Variants in KL observed in about 807,000 individuals in gnomAD.
KL encodes klotho.
In KL, 62 loss-of-function variants were observed where a neutral mutation model predicts 84.2. That is an observed-to-expected ratio of 0.74 (90% CI 0.60 to 0.91). KL has a LOEUF of 0.91. Among genes scored for constraint, KL ranks in the 40% least tolerant of loss-of-function variants. The pLI is 0.00. For synonymous variants in KL, 528 were observed against 528.0 expected, an observed-to-expected ratio of 1.00 and a Z score of 0.00; for missense variants, 1,261 against 1,305.7, an observed-to-expected ratio of 0.97 and a Z score of 0.53.
Position 33,061,665 on chromosome 13 carries a change from G to C in KL, c.2586G>C (p.Lys862Asn). The C allele has an allele frequency of 6.2e-7, 1 of 1,614,178 alleles. No individual in the cohort carries two copies. The highest frequency in any genetic ancestry group is 1.1e-5 in the South Asian group (1 of 91,068). ...LRKVLNWLKFKYGDLPMYIIS... is the reference protein window; with the variant it reads ...LRKVLNWLKFNYGDLPMYIIS... ...AAGTGCTGAACTGGCTGAAGTTCAA[G>C]TACGGAGACCTCCCCATGTACATAA... The change falls in exon 4 of 5, where the codon AAG becomes AAC. Residue 862 changes from lysine (K) to asparagine (N), a missense_variant. Coordinates refer to ENST00000380099, the MANE Select transcript of KL (RefSeq NM_004795.4).
chr13:33,055,975 A>T (rs771401778), intron 3 of KL, among the ~76,000 whole-genome samples: 3 of 152,202 alleles, frequency 2.0e-5, no homozygotes, highest in Non-Finnish European at 4.4e-5. Flanking sequence ...TCTAGTAAGC[A>T]CTTATTGGAT....
At chr13:33,035,287 C>A (rs959028987) in intron 1 of KL, among the ~76,000 whole-genome samples, 4 of 152,122 alleles carry the variant, frequency 2.6e-5, no homozygotes, top group African/African-American at 7.2e-5. Flanking sequence ...TATAAATGAG[C>A]CTGTTAAAGA....
chr13:33,064,919 C>T lies in KL; in HGVS notation c.*733C>T, dbSNP rs1872352242. On this transcript the variant is annotated 3_prime_UTR_variant, in exon 5 of 5. Transcript: ENST00000380099. Reference sequence around the variant, plus strand: ...CACATAGGAAACTTTTGATAAGTATCTGCGGAAAAACAAACATGAATCCTG... The same window carrying T: ...CACATAGGAAACTTTTGATAAGTATTTGCGGAAAAACAAACATGAATCCTG... 5 of 228,640 alleles carry T rather than the reference C, an allele frequency of 2.2e-5. No homozygotes were observed. Among genetic ancestry groups the T allele is most frequent in the African/African-American group, 1.1e-4 (5 of 45,194 alleles). 14.2% of individuals were successfully genotyped at this position (228,640 alleles called of 1,614,324 possible).
At chr13:33,041,224 T>C (rs1041330204) in intron 1 of KL, among the ~76,000 whole-genome samples, 6 of 152,082 alleles carry the variant, frequency 3.9e-5, no homozygotes, top group African/African-American at 1.2e-4. Context: ...TCTCCTATGT[T>C]GAGAATTGAT....
Position 33,055,044 on chromosome 13 carries a change from C to A in KL, c.1331-3C>A, listed in dbSNP as rs748430461. 2.0e-5 allele frequency: 32 copies of A among 1,614,020 alleles called. No homozygotes were observed. The highest frequency in any genetic ancestry group is 2.7e-5 in the Non-Finnish European group (32 of 1,180,004). ...TTGCTCTTGTCCCCTCTTCCCTTTGCAGCCATCAAGCTGGATGGGGTGGAT... is the reference window on the plus strand; with the variant it reads ...TTGCTCTTGTCCCCTCTTCCCTTTGAAGCCATCAAGCTGGATGGGGTGGAT... On this transcript the variant is annotated splice_region_variant and splice_polypyrimidine_tract_variant and intron_variant, in intron 2 of 4. Transcript: ENST00000380099.
In KL at chr13:33,017,078, C is replaced by T; in HGVS notation, c.638C>T (p.Ala213Val). ...AYGGWANRALADHFRDYAELC... is the reference protein window; with the variant it reads ...AYGGWANRALVDHFRDYAELC... Reference sequence around the variant, plus strand: ...GGCGGCTGGGCCAACCGCGCCCTGGCCGACCACTTCAGGGATTACGCGGAG... The same window carrying T: ...GGCGGCTGGGCCAACCGCGCCCTGGTCGACCACTTCAGGGATTACGCGGAG... The change falls in exon 1 of 5, where the codon GCC becomes GTC. Residue 213 changes from alanine to valine, a missense_variant. By Grantham distance (64) the Ala-to-Val change is moderately conservative (BLOSUM62 0). Transcript: ENST00000380099. 6.2e-7 allele frequency: 1 copy of T among 1,603,982 alleles called. No individual in the cohort carries two copies. The highest frequency in any genetic ancestry group is 8.5e-7 in the Non-Finnish European group (1 of 1,179,116).
At chr13:33,061,887 G>T in intron 4 of KL, 107 bp downstream of exon 4, 1 of 1,178,472 alleles carries the variant, frequency 8.5e-7, no homozygotes, top group South Asian at 1.2e-5. Flanking sequence ...TGGAATGGAG[G>T]GCTATCCATT....
Position 33,044,453 on chromosome 13 carries a change from T to C in KL, c.820-9314T>C, listed in dbSNP as rs189370227. Among the ~76,000 whole-genome samples the C allele has an allele frequency of 3.3e-3, 506 of 152,274 alleles. 4 individuals are homozygous for C. The highest frequency in any genetic ancestry group is 0.012 in the African/African-American group (481 of 41,572). ...TGACTCTTCCAATCCATGAAAATGG[T>C]ATCTCATTCTTTATTTACATATTCT... On this transcript the variant is annotated intron_variant, in intron 1 of 4. Coordinates refer to ENST00000380099, the MANE Select transcript of KL (RefSeq NM_004795.4).
chr13:33,062,062 T>G (rs1872229755), intron 4 of KL, among the ~76,000 whole-genome samples: 1 of 152,226 alleles, frequency 6.6e-6, no homozygotes, highest in Non-Finnish European at 1.5e-5. Context: ...CTTAACTGTT[T>G]CATGTACATA....
rs766200628 is a variant in KL at position 33,017,118 on chromosome 13, C to G, written c.678C>G (p.His226Gln). 1.2e-6 allele frequency: 2 copies of G among 1,604,536 alleles called. No homozygotes were observed. The highest frequency in any genetic ancestry group is 1.7e-6 in the Non-Finnish European group (2 of 1,179,790). Reference sequence around the variant, plus strand: ...ATTACGCGGAGCTCTGCTTCCGCCACTTCGGCGGTCAGGTCAAGTACTGGA... The same window carrying G: ...ATTACGCGGAGCTCTGCTTCCGCCAGTTCGGCGGTCAGGTCAAGTACTGGA... ...FRDYAELCFR[H>Q]FGGQVKYWIT... Residue 226 changes from histidine to glutamine, a missense_variant, in exon 1 of 5, where the codon CAC becomes CAG. Coordinates refer to ENST00000380099, the MANE Select transcript of KL (RefSeq NM_004795.4).
chr13:33,049,293 G>T lies in KL; in HGVS notation c.820-4474G>T, dbSNP rs1043572653. ...ATGTTGCTTCTGTCCTAGACCCTTT[G>T]ATCTGGTTCTTAGTGCCAGCCTTCA... On this transcript the variant is annotated intron_variant, in intron 1 of 4. Transcript: ENST00000380099. Among the ~76,000 whole-genome samples the T allele has an allele frequency of 1.8e-4, 27 of 152,166 alleles. 2 individuals are homozygous for T.
At chr13:33,021,637 C>A (rs1870578953) in intron 1 of KL, among the ~76,000 whole-genome samples, 1 of 152,246 alleles carries the variant, frequency 6.6e-6, no homozygotes, top group Middle Eastern at 3.4e-3. Flanking sequence ...AATCCCAGCA[C>A]TTTGGGAGGC....
Position 33,021,664 on chromosome 13 carries a change from C to A in KL, c.819+4405C>A, listed in dbSNP as rs185823514. On this transcript the variant is annotated intron_variant, in intron 1 of 4. Transcript: ENST00000380099. ...TTGGGAGGCTGAGGCGGGTGGATCACCTGAGATCAGGAGTTTGAGAACAGC... is the reference window on the plus strand; with the variant it reads ...TTGGGAGGCTGAGGCGGGTGGATCAACTGAGATCAGGAGTTTGAGAACAGC... Among the ~76,000 whole-genome samples the A allele has an allele frequency of 5.3e-3, 813 of 152,172 alleles. 40 individuals are homozygous for A. The highest frequency in any genetic ancestry group is 0.05 in the Admixed American group (759 of 15,290).
chr13:33,057,485 A>C (rs1332724311), intron 3 of KL, among the ~76,000 whole-genome samples: 1 of 151,792 alleles, frequency 6.6e-6, no homozygotes, highest in Non-Finnish European at 1.5e-5. Flanking sequence ...TTCCTACTAC[A>C]CTCTAGAAGC....
intron 4 of KL, 72 bp downstream of exon 4, chr13:33,061,852 C>A: frequency 1.4e-6 from 2 of 1,470,806 alleles, no homozygotes; most frequent in Non-Finnish European, 1.9e-6. Flanking sequence ...ATTAAATCTC[C>A]AACATCAACA....
intron 1 of KL, among the ~76,000 whole-genome samples, chr13:33,044,203 A>G (rs960015786): frequency 6.6e-6 from 1 of 152,220 alleles, no homozygotes; most frequent in African/African-American, 2.4e-5. Flanking sequence ...CCTTATGCCA[A>G]TATCACCCTA....
intron 1 of KL, among the ~76,000 whole-genome samples, chr13:33,032,483 T>C (rs1214487635): frequency 2.0e-5 from 3 of 152,144 alleles, no homozygotes; most frequent in African/African-American, 7.2e-5. Context: ...TTGGCCTCGC[T>C]TACACAAGTG....
chr13:33,042,780 C>G (rs1290435523), intron 1 of KL, among the ~76,000 whole-genome samples: 1 of 152,144 alleles, frequency 6.6e-6, no homozygotes, highest in East Asian at 1.9e-4. Context: ...CACGTGGGTC[C>G]AAGCGATTCT....
Position 33,034,333 on chromosome 13 carries a change from A to C in KL, c.819+17074A>C, listed in dbSNP as rs150020701. ...TCTCTGGGGGTGAAGAAGGCAGTGC[A>C]CCTTTGTTCAATTTGCTGCTTACCA... is the stretch of plus-strand genomic sequence containing the variant. On this transcript the variant is annotated intron_variant, in intron 1 of 4. Coordinates refer to ENST00000380099, the MANE Select transcript of KL (RefSeq NM_004795.4). Among the ~76,000 whole-genome samples the C allele has an allele frequency of 1.7e-3, 261 of 152,278 alleles. 1 individual carries two copies. The highest frequency in any genetic ancestry group is 5.8e-3 in the African/African-American group (242 of 41,554).
Sources: gnomAD v4.1 joint callset for allele counts (sites outside exome capture counted in the v4.1 genomes callset) on GRCh38, gnomAD v4.1.1 for gene constraint, MANE v1.5 for transcripts, NCBI Gene and HGNC (gene_info 2026-07-23, HGNC 2026-07-21) for gene names.